Variants in IARS1 observed in about 807,000 individuals in gnomAD.
IARS1 encodes isoleucyl-tRNA synthetase 1.
IARS1 carries 124 observed loss-of-function variants against 168.2 expected under a neutral mutation model. The observed-to-expected ratio is 0.74, with a 90% CI of 0.64 to 0.86. The LOEUF (loss-of-function observed/expected upper bound fraction) is 0.86. IARS1 is among the 40% of genes least tolerant of loss of function. The probability of loss-of-function intolerance (pLI) is 0.00; values close to 1 mark genes in which losing one functional copy is unlikely to be tolerated. For missense variants in IARS1, 1,452 were observed against 1,515.8 expected (o/e 0.96, Z 0.70); for synonymous variants, 532 against 529.4 (o/e 1.00, Z -0.07).
intron 33 of IARS1, among the ~76,000 whole-genome samples, 180 bp downstream of exon 33, chr9:92,222,340 C>CAAAAAAAAAAAAAA (rs60335070): frequency 3.6e-5 from 2 of 55,372 alleles, no homozygotes; most frequent in Non-Finnish European, 6.4e-5. Context: ...GACTCAGTCT[C>CAAAAAAAAAAAAAA]AAAAAAAAAA....
intron 21 of IARS1, 110 bp from the exon 22 acceptor site, chr9:92,251,995 A>T (rs1361302150): frequency 1.3e-6 from 1 of 780,822 alleles, no homozygotes; most frequent in East Asian, 2.7e-5. Context: ...CAGCATACAG[A>T]CAAGACATGA....
Position 92,265,142 on chromosome 9 carries a change from G to C in IARS1, c.1506-19C>G. ...GTCAACACTAACAAACAGAAAAGTAGTCATTTCTATTAACTGTAAGCATAA... is the reference window on the plus strand; with the variant it reads ...GTCAACACTAACAAACAGAAAAGTACTCATTTCTATTAACTGTAAGCATAA... On this transcript the variant is annotated intron_variant, in intron 15 of 33. Coordinates refer to ENST00000443024, the MANE Select transcript of IARS1 (RefSeq NM_002161.6). The C allele has an allele frequency of 6.3e-7, 1 of 1,596,768 alleles. No homozygotes were observed. The highest frequency in any genetic ancestry group is 8.5e-7 in the Non-Finnish European group (1 of 1,170,216).
chr9:92,292,058 C>T (rs1054276939), intron 1 of IARS1, among the ~76,000 whole-genome samples: 1 of 147,106 alleles, frequency 6.8e-6, no homozygotes, highest in South Asian at 2.1e-4. Flanking sequence ...ACTCTGTCAC[C>T]TAGGCTGGAG....
chr9:92,211,275 C>T (rs1318453009), intron 33 of IARS1, among the ~76,000 whole-genome samples: 4 of 152,010 alleles, frequency 2.6e-5, no homozygotes, highest in Non-Finnish European at 5.9e-5. Context: ...AGTGAGCTTC[C>T]CTGGTTGGTA....
intron 25 of IARS1, among the ~76,000 whole-genome samples, chr9:92,248,675 A>T (rs1008873108): frequency 1.3e-5 from 2 of 151,286 alleles, no homozygotes; most frequent in African/African-American, 2.4e-5. Flanking sequence ...AAAAAAAAAA[A>T]AAATTTCTAT....
intron 14 of IARS1, 80 bp from the exon 15 acceptor site, chr9:92,265,633 T>C (rs1832183528): frequency 9.3e-7 from 1 of 1,072,118 alleles, no homozygotes; most frequent in Non-Finnish European, 1.4e-6. Flanking sequence ...AGCATGCATG[T>C]TTACTTTGAG....
chr9:92,250,816 GAA>G lies in IARS1; in HGVS notation c.2324_2325del (p.Phe775SerfsTer3). The G allele has an allele frequency of 6.2e-7, 1 of 1,610,712 alleles. No homozygotes were observed. Among genetic ancestry groups the G allele is most frequent in the Non-Finnish European group, 8.5e-7 (1 of 1,178,550 alleles). On this transcript the variant is annotated frameshift_variant, in exon 23 of 34. Coordinates refer to ENST00000443024, the MANE Select transcript of IARS1 (RefSeq NM_002161.6). LOFTEE classifies it high-confidence loss of function. Reference sequence around the variant, plus strand: ...AGATTCTGGTACATCAATTCAGTGAGAAAAGGTGTGTAGGGAGCCTGTATGAA... The same window carrying G: ...AGATTCTGGTACATCAATTCAGTGAGAAGGTGTGTAGGGAGCCTGTATGAA... ...LCRLMAPYTP[F>X]LTELMYQNLK...
intron 25 of IARS1, among the ~76,000 whole-genome samples, chr9:92,248,267 C>T (rs982209967): frequency 6.6e-6 from 1 of 152,140 alleles, no homozygotes; most frequent in Admixed American, 6.5e-5. Context: ...GGTGATGGCA[C>T]AGTAGCGGAT....
chr9:92,270,133 C>T (rs1832811682), intron 12 of IARS1, 150 bp from the exon 13 acceptor site: 1 of 543,446 alleles, frequency 1.8e-6, no homozygotes, highest in South Asian at 2.5e-5. Context: ...ACATCTAAGA[C>T]TTCAAAATTG....
chr9:92,266,649 A>G (rs1360036284), intron 14 of IARS1, among the ~76,000 whole-genome samples: 3 of 152,174 alleles, frequency 2.0e-5, no homozygotes, highest in Non-Finnish European at 2.9e-5. Context: ...GAAGAGACCA[A>G]TGCTCTCCTT....
chr9:92,287,526 A>C, intron 4 of IARS1: 7 of 224,442 alleles, frequency 3.1e-5, no homozygotes, highest in East Asian at 9.4e-5. Context: ...AAAAAAAGAA[A>C]AGGCCTATAT....
intron 31 of IARS1, among the ~76,000 whole-genome samples, chr9:92,223,707 T>C (rs1338118001): frequency 6.6e-6 from 1 of 152,206 alleles, no homozygotes; most frequent in Non-Finnish European, 1.5e-5. Flanking sequence ...ATAATATTCA[T>C]AATCTGAAAT....
chr9:92,267,576 C>T (rs1423371633), intron 14 of IARS1, among the ~76,000 whole-genome samples: 1 of 152,106 alleles, frequency 6.6e-6, no homozygotes. Flanking sequence ...CTAGGCTGGT[C>T]TCAAATATCT....
At chr9:92,274,402 A>G (rs1267166266) in intron 10 of IARS1, 24 bp downstream of exon 10, 3 of 1,578,504 alleles carry the variant, frequency 1.9e-6, no homozygotes, top group African/African-American at 1.3e-5. Flanking sequence ...ACTCAAATAC[A>G]TTTGCCAGAC....
intron 30 of IARS1, among the ~76,000 whole-genome samples, chr9:92,235,362 T>C (rs1827324503): frequency 6.6e-6 from 1 of 152,152 alleles, no homozygotes; most frequent in Admixed American, 6.5e-5. Flanking sequence ...TTTTGCAAAA[T>C]GCTCATTATC....
chr9:92,272,261 G>C lies in IARS1; in HGVS notation c.991-606C>G, dbSNP rs181829512. Among the ~76,000 whole-genome samples, 563 of 152,324 alleles carry C rather than the reference G, an allele frequency of 3.7e-3. 4 individuals carry two copies. Among genetic ancestry groups the C allele is most frequent in the African/African-American group, 0.013 (531 of 41,562 alleles). On this transcript the variant is annotated intron_variant, in intron 10 of 33. Coordinates refer to ENST00000443024, the MANE Select transcript of IARS1 (RefSeq NM_002161.6). ...AAACCACACTCTGGGTTGACTCCAA[G>C]ACAAGCTGGAAAGCTGACATGCTTC...
At chr9:92,213,328 T>G (rs755502201) in intron 33 of IARS1, among the ~76,000 whole-genome samples, 1 of 152,084 alleles carries the variant, frequency 6.6e-6, no homozygotes, top group Non-Finnish European at 1.5e-5. Flanking sequence ...AAGAAACCCA[T>G]AGCAAAAGGG....
chr9:92,222,472 A>G, intron 33 of IARS1, 48 bp downstream of exon 33: 8 of 1,567,690 alleles, frequency 5.1e-6, no homozygotes, highest in Non-Finnish European at 7.0e-6. Context: ...TGGCATCAAA[A>G]TCTACTTTCA....
chr9:92,251,656 T>C, intron 22 of IARS1, 152 bp downstream of exon 22: 1 of 592,092 alleles, frequency 1.7e-6, no homozygotes. Flanking sequence ...AGATTTCTGA[T>C]AAGGAACTAG....
Sources: allele counts gnomAD v4.1 joint callset (sites outside exome capture counted in the v4.1 genomes callset), GRCh38; gene constraint gnomAD v4.1.1; transcripts MANE v1.5; gene names NCBI Gene and HGNC (gene_info 2026-07-23, HGNC 2026-07-21).